YPEL1: variants seen among roughly 807,000 people sequenced by gnomAD.
The protein encoded by YPEL1 is yippee like 1, also known as protein yippee-like 1.
A neutral mutation model predicts 17.3 loss-of-function variants in YPEL1; 7 were observed. The observed-to-expected ratio is 0.40, with a 90% CI of 0.23 to 0.76. The LOEUF (loss-of-function observed/expected upper bound fraction) is 0.76. YPEL1 is among the 30% of genes least tolerant of loss of function. The pLI is 0.35. For missense variants in YPEL1, 91 were observed against 155.5 expected, an observed-to-expected ratio of 0.59 and a Z score of 2.21; for synonymous variants, 59 against 59.6, an observed-to-expected ratio of 0.99 and a Z score of 0.05.
rs749897200 is a variant in YPEL1 at position 21,710,748 on chromosome 22, T to C, written c.-4A>G. ...TGGACTTTGTCATTTTCACCATCTC[T>C]CCTGGGCACTCCTCACTCAGCTCAG... On this transcript the variant is annotated 5_prime_UTR_variant, in exon 2 of 5. Transcript: ENST00000339468. The C allele has an allele frequency of 6.2e-7, 1 of 1,611,904 alleles. No individual in the cohort carries two copies. Among genetic ancestry groups the C allele is most frequent in the Non-Finnish European group, 8.5e-7 (1 of 1,178,004 alleles).
chr22:21,735,033 T>C (rs549375669), intron 1 of YPEL1, among the ~76,000 whole-genome samples: 25 of 152,128 alleles, frequency 1.6e-4, no homozygotes, highest in Non-Finnish European at 3.5e-4. Context: ...ATTCAGCACA[T>C]AATTTGGACA....
At chr22:21,709,737 T>A (rs918324693) in intron 2 of YPEL1, among the ~76,000 whole-genome samples, 6 of 152,112 alleles carry the variant, frequency 3.9e-5, no homozygotes, top group Admixed American at 2.6e-4. Flanking sequence ...GGAGACGTCA[T>A]GACCTGAGGA....
chr22:21,726,597 G>A (rs2068338108), intron 1 of YPEL1, among the ~76,000 whole-genome samples: 2 of 152,172 alleles, frequency 1.3e-5, no homozygotes, highest in Non-Finnish European at 2.9e-5. Context: ...GGAGGAAGCG[G>A]TGCGTCCCCA....
Position 21,701,216 on chromosome 22 carries a change from C to A in YPEL1, c.273G>T (p.Glu91Asp). The A allele has an allele frequency of 6.2e-7, 1 of 1,612,716 alleles. No homozygotes were observed. The highest frequency in any genetic ancestry group is 8.5e-7 in the Non-Finnish European group (1 of 1,178,922). Residue 91 changes from glutamate (E) to aspartate (D), a missense_variant and splice_region_variant, in exon 5 of 5, where the codon GAG becomes GAT. By Grantham distance (45) the Glu-to-Asp change is conservative. Transcript: ENST00000339468. ...NCKTTLGWKY[E>D]HAFESSQKYK... ...ATTTCTGACTGCTCTCAAAGGCATG[C>A]TCCTTGAAAAAGAAGAGACAAAGGT...
In YPEL1 at chr22:21,706,531, G is replaced by A. The variant is rs149126144; in HGVS notation, c.118-2649C>T. On this transcript the variant is annotated intron_variant, in intron 2 of 4. Coordinates refer to ENST00000339468, the MANE Select transcript of YPEL1 (RefSeq NM_013313.5). ...GCATCCGCATATGGGCCTCATGCAG[G>A]GGATGGGAAGGTAGGAGCAGATATG... 3.2e-3 allele frequency among the ~76,000 whole-genome samples: 486 copies of A among 152,284 alleles called. 2 individuals carry two copies. The highest frequency in any genetic ancestry group is 0.02 in the Middle Eastern group (6 of 294).
chr22:21,716,892 C>A (rs1391828565), intron 1 of YPEL1, among the ~76,000 whole-genome samples: 2 of 152,088 alleles, frequency 1.3e-5, no homozygotes, highest in Non-Finnish European at 2.9e-5. Flanking sequence ...ACGGAGGGAA[C>A]CGATGAGCTT....
intron 1 of YPEL1, among the ~76,000 whole-genome samples, chr22:21,720,946 C>A (rs1251806027): frequency 1.6e-4 from 24 of 149,642 alleles, no homozygotes; most frequent in Admixed American, 1.3e-3. Context: ...GTAGCTGGGA[C>A]TACAGGTGCA....
intron 1 of YPEL1, among the ~76,000 whole-genome samples, chr22:21,734,797 G>A (rs986248167): frequency 1.3e-5 from 2 of 152,162 alleles, no homozygotes; most frequent in East Asian, 3.9e-4. Context: ...CCCCAGTGGT[G>A]GTAAACCTAG....
At chr22:21,716,204 C>T (rs2068222261) in intron 1 of YPEL1, among the ~76,000 whole-genome samples, 1 of 152,300 alleles carries the variant, frequency 6.6e-6, no homozygotes, top group African/African-American at 2.4e-5. Flanking sequence ...CCACCGCGCC[C>T]AGACTAAAAG....
intron 1 of YPEL1, among the ~76,000 whole-genome samples, chr22:21,729,147 GA>G (rs754274655): frequency 0.01 from 1,224 of 120,974 alleles, 10 homozygotes; most frequent in African/African-American, 0.022. Context: ...CCATCCTGAA[GA>G]AAAAAAAAAA....
rs60421663 is a variant in YPEL1, at chr22:21,698,105, A to ATTGT, written c.*3020_*3023dup. 2,450 of 152,328 alleles carry ATTGT rather than the reference A, an allele frequency of 0.016. 24 individuals are homozygous for ATTGT. Among genetic ancestry groups the ATTGT allele is most frequent in the South Asian group, 0.038 (184 of 4,822 alleles). The allele number at this position is 152,328 out of a possible 1,614,324, so 9.4% of individuals were successfully genotyped here. A position where few individuals can be genotyped will look rare whatever the true frequency, so the allele number is the denominator to read the frequency against. On this transcript the variant is annotated 3_prime_UTR_variant, in exon 5 of 5. Transcript: ENST00000339468. The stretch of plus-strand genomic sequence containing the variant: ...AACTTAAATAGAAGTCCTAGATGAT[A>ATTGT]TTGTTTAGGAATTTAAGAGGGTGGT...
chr22:21,702,625 AC>A (rs1158299127), intron 4 of YPEL1, among the ~76,000 whole-genome samples: 76 of 151,746 alleles, frequency 5.0e-4, no homozygotes, highest in Admixed American at 1.3e-3. Context: ...AACAAACAAA[AC>A]AACAACAACA....
In YPEL1 at chr22:21,700,999, A is replaced by G. The variant is rs1459443661; in HGVS notation, c.*130T>C. 5 of 724,262 alleles carry G rather than the reference A, an allele frequency of 6.9e-6. No individual in the cohort carries two copies. Among genetic ancestry groups the G allele is most frequent in the Non-Finnish European group, 9.4e-6 (4 of 426,684 alleles). 44.9% of individuals were successfully genotyped at this position (724,262 alleles called of 1,614,324 possible). Reference sequence around the variant, plus strand: ...ACCCACAGAGATGGCCGAGAGTGTCAAGAGCTATGCGCAGCTAGCCTTTGA... The same window carrying G: ...ACCCACAGAGATGGCCGAGAGTGTCGAGAGCTATGCGCAGCTAGCCTTTGA... On this transcript the variant is annotated 3_prime_UTR_variant, in exon 5 of 5. Transcript: ENST00000339468.
At chr22:21,704,213 G>A (rs938122703) in intron 2 of YPEL1, 7 of 715,180 alleles carry the variant, frequency 9.8e-6, no homozygotes, top group Non-Finnish European at 1.6e-5. Context: ...TTCTGAGAGG[G>A]GATCACGAAT....
At chr22:21,728,228 C>A (rs577934679) in intron 1 of YPEL1, among the ~76,000 whole-genome samples, 2 of 152,272 alleles carry the variant, frequency 1.3e-5, no homozygotes, top group African/African-American at 4.8e-5. Context: ...CGCTCCCACT[C>A]GGCCACCCCT....
chr22:21,727,304 C>T (rs779227012), intron 1 of YPEL1, among the ~76,000 whole-genome samples: 15 of 152,160 alleles, frequency 9.9e-5, no homozygotes, highest in Non-Finnish European at 1.9e-4. Context: ...AATGACAGAT[C>T]CACTGTTGCA....
chr22:21,710,784 G>T lies in YPEL1; in HGVS notation c.-40C>A. 4.5e-6 allele frequency: 7 copies of T among 1,555,500 alleles called. No individual in the cohort carries two copies. Among genetic ancestry groups the T allele is most frequent in the Non-Finnish European group, 6.2e-6 (7 of 1,126,550 alleles). On this transcript the variant is annotated 5_prime_UTR_variant, in exon 2 of 5. Transcript: ENST00000339468. ...CCTCACTCAGCTCAGGGCTGGTTCT[G>T]GAAGAACCGTGGCTCTGCTGGCCTC...
At position 21,701,233 on chromosome 22, in the gene YPEL1, G is replaced by A; in HGVS notation, c.271-15C>T. On this transcript the variant is annotated splice_polypyrimidine_tract_variant and intron_variant, in intron 4 of 4. Coordinates refer to ENST00000339468, the MANE Select transcript of YPEL1 (RefSeq NM_013313.5). ...AAGGCATGCTCCTTGAAAAAGAAGA[G>A]ACAAAGGTTTCAGGACAGAAGGTTT... 6.2e-7 allele frequency: 1 copy of A among 1,604,948 alleles called. No homozygotes were observed. Among genetic ancestry groups the A allele is most frequent in the Non-Finnish European group, 8.5e-7 (1 of 1,172,466 alleles).
At position 21,698,261 on chromosome 22, in the gene YPEL1, C is replaced by CAAAAAAAAAAA. The variant is rs35100577; in HGVS notation, c.*2857_*2867dup. ...ATAAAAGTGTTGTTGGTATAAATTA[C>CAAAAAAAAAAA]AAAAAAAAAAAAAAATACAAAAGTC... On this transcript the variant is annotated 3_prime_UTR_variant, in exon 5 of 5. Transcript: ENST00000339468. 2.4e-5 allele frequency: 3 copies of CAAAAAAAAAAA among 123,184 alleles called. No individual in the cohort carries two copies. Among genetic ancestry groups the CAAAAAAAAAAA allele is most frequent in the Non-Finnish European group, 3.3e-5 (2 of 59,908 alleles). The allele number at this position is 123,184 out of a possible 1,614,324, so 7.6% of individuals were successfully genotyped here. A position where few individuals can be genotyped will look rare whatever the true frequency, so the allele number is the denominator to read the frequency against.
Sources: allele counts gnomAD v4.1 joint callset (sites outside exome capture counted in the v4.1 genomes callset), GRCh38; gene constraint gnomAD v4.1.1; transcripts MANE v1.5; gene names NCBI Gene and HGNC (gene_info 2026-07-23, HGNC 2026-07-21).